Variants in GALNT13 observed in about 807,000 individuals in gnomAD.
The protein encoded by GALNT13 is UDP-GalNAc:polypeptide N-acetylgalactosaminyltransferase 13.
In GALNT13, 28 loss-of-function variants were observed where a neutral mutation model predicts 64.2. The ratio of observed to expected loss-of-function variants is 0.44; its 90% CI spans 0.32 to 0.60. The LOEUF is 0.60. Among genes scored for constraint, GALNT13 ranks in the 20% least tolerant of loss-of-function variants. The pLI is 0.05. For missense variants in GALNT13, 577 were observed against 669.8 expected, an observed-to-expected ratio of 0.86 and a Z score of 1.53; for synonymous variants, 214 against 224.6, an observed-to-expected ratio of 0.95 and a Z score of 0.42.
the GALNT13 span, among the ~76,000 whole-genome samples, chr2:153,670,557 C>G: frequency 6.6e-6 from 1 of 152,190 alleles, no homozygotes; most frequent in Non-Finnish European, 1.5e-5. Context: ...TCACCAACAT[C>G]AAAGACCAAA....
the GALNT13 span, among the ~76,000 whole-genome samples, chr2:153,172,938 G>C: frequency 6.6e-6 from 1 of 152,098 alleles, no homozygotes; most frequent in East Asian, 1.9e-4. Context: ...TTTACTAACT[G>C]AATGTCTAAG....
chr2:153,880,779 G>T (rs1444621211), intron 1 of GALNT13, among the ~76,000 whole-genome samples: 1 of 151,922 alleles, frequency 6.6e-6, no homozygotes, highest in African/African-American at 2.4e-5. Context: ...TTTTCTTAAG[G>T]TAAATACTGT....
At chr2:153,251,592 G>C in the GALNT13 span, among the ~76,000 whole-genome samples, 2 of 151,140 alleles carry the variant, frequency 1.3e-5, no homozygotes. Context: ...CTCGCATTAG[G>C]TATATCTCCC....
chr2:153,393,947 T>TACACACACACACACACAC, the GALNT13 span, among the ~76,000 whole-genome samples: 4 of 128,176 alleles, frequency 3.1e-5, no homozygotes, highest in African/African-American at 1.2e-4. Context: ...TCTCTCTGTC[T>TACACACACACACACACAC]ACACACACAC....
chr2:153,762,927 A>G, the GALNT13 span, among the ~76,000 whole-genome samples: 1 of 151,718 alleles, frequency 6.6e-6, no homozygotes, highest in African/African-American at 2.4e-5. Context: ...CCTTTTTGTT[A>G]TAAGACTTGC....
chr2:154,298,229 T>C (rs1693045391), intron 8 of GALNT13, among the ~76,000 whole-genome samples: 1 of 151,298 alleles, frequency 6.6e-6, no homozygotes, highest in Non-Finnish European at 1.5e-5. Flanking sequence ...AGATAATAAA[T>C]GCATCAAGGG....
At chr2:153,366,720 GAC>G in the GALNT13 span, among the ~76,000 whole-genome samples, 16,517 of 108,552 alleles carry the variant, frequency 0.15, 1,017 homozygotes, top group South Asian at 0.17. Context: ...AGCACACAGG[GAC>G]ACACACACAC....
intron 9 of GALNT13, among the ~76,000 whole-genome samples, chr2:154,370,593 G>A (rs1697628397): frequency 6.6e-6 from 1 of 152,036 alleles, no homozygotes; most frequent in African/African-American, 2.4e-5. Context: ...TGTGGTTAGA[G>A]GTACCATTTG....
At chr2:153,267,167 C>T in the GALNT13 span, among the ~76,000 whole-genome samples, 2 of 151,788 alleles carry the variant, frequency 1.3e-5, no homozygotes, top group African/African-American at 2.4e-5. Context: ...AGGTGGGCTC[C>T]CTTGACCTTG....
the GALNT13 span, among the ~76,000 whole-genome samples, chr2:153,362,732 G>A: frequency 4.6e-5 from 7 of 151,992 alleles, no homozygotes; most frequent in East Asian, 5.8e-4. Context: ...ACCCAGGTTC[G>A]TTCATAAAAC....
At chr2:154,381,029 T>C (rs141990263) in intron 9 of GALNT13, among the ~76,000 whole-genome samples, 64 of 152,104 alleles carry the variant, frequency 4.2e-4, no homozygotes, top group African/African-American at 1.3e-3. Flanking sequence ...CAAGATGTAA[T>C]ATAATCATCA....
intron 4 of GALNT13, among the ~76,000 whole-genome samples, chr2:154,140,859 A>C (rs1683220839): frequency 6.6e-6 from 1 of 152,088 alleles, no homozygotes; most frequent in African/African-American, 2.4e-5. Context: ...ACACTGCAGA[A>C]ATGTTCTGGA....
In GALNT13 at chr2:154,047,010, C is replaced by A. The variant is rs543294056; in HGVS notation, c.143-93327C>A. On this transcript the variant is annotated intron_variant, in intron 3 of 12. Transcript: ENST00000392825. ...TCTGGTGAGTAAGTTTTTATTTTCCCTGAGTGAATTTTTAGTAGCACATAT... is the reference window on the plus strand; with the variant it reads ...TCTGGTGAGTAAGTTTTTATTTTCCATGAGTGAATTTTTAGTAGCACATAT... Among the ~76,000 whole-genome samples, 8 of 152,002 alleles carry A rather than the reference C, an allele frequency of 5.3e-5. No homozygotes were observed. In the South Asian group the frequency reaches 1.7e-3, roughly 32 times the overall value.
At chr2:154,324,235 G>A (rs1559090807) in intron 9 of GALNT13, among the ~76,000 whole-genome samples, 2 of 151,088 alleles carry the variant, frequency 1.3e-5, no homozygotes, top group East Asian at 3.9e-4. Flanking sequence ...CATATTTTTA[G>A]GGTTTTTAAA....
the GALNT13 span, chr2:153,187,680 A>C: frequency 1.3e-5 from 2 of 152,172 alleles, no homozygotes; most frequent in African/African-American, 4.8e-5. Flanking sequence ...GTGGGAAGTA[A>C]ATATATGGGA....
the GALNT13 span, among the ~76,000 whole-genome samples, chr2:153,213,318 G>GGAATC: frequency 6.6e-6 from 1 of 152,162 alleles, no homozygotes; most frequent in Non-Finnish European, 1.5e-5. Context: ...ACTGAACTTA[G>GGAATC]GAATCTGTCA....
At chr2:153,233,547 C>T in the GALNT13 span, among the ~76,000 whole-genome samples, 1 of 151,710 alleles carries the variant, frequency 6.6e-6, no homozygotes, top group South Asian at 2.1e-4. Flanking sequence ...ATCTATTTAT[C>T]TATCTATTGC....
At chr2:153,675,588 A>G in the GALNT13 span, among the ~76,000 whole-genome samples, 2 of 152,142 alleles carry the variant, frequency 1.3e-5, no homozygotes, top group African/African-American at 4.8e-5. Context: ...AGAAATACCT[A>G]ATGTAAATGA....
intron 9 of GALNT13, among the ~76,000 whole-genome samples, chr2:154,340,899 A>AGTGTGTGT (rs57448184): frequency 1.3e-5 from 2 of 149,202 alleles, no homozygotes; most frequent in African/African-American, 5.0e-5. Context: ...TGTGTGTATG[A>AGTGTGTGT]GTGTGTGTGT....
Sources: allele counts gnomAD v4.1 joint callset (sites outside exome capture counted in the v4.1 genomes callset), GRCh38; gene constraint gnomAD v4.1.1; transcripts MANE v1.5; gene names NCBI Gene and HGNC (gene_info 2026-07-23, HGNC 2026-07-21).